CNTN4: variants seen among roughly 807,000 people sequenced by gnomAD.
CNTN4 encodes the protein contactin 4.
CNTN4 carries 77 observed loss-of-function variants against 122.5 expected under a neutral mutation model. The observed-to-expected ratio is 0.63, with a 90% CI of 0.52 to 0.76. The LOEUF (loss-of-function observed/expected upper bound fraction) is 0.76, where lower values mean the gene tolerates loss of function less well. Ranked by LOEUF, CNTN4 falls within the 30% of genes least tolerant of loss-of-function variation. CNTN4 has a pLI of 0.00. For missense variants in CNTN4, 1,256 were observed against 1,259.1 expected (o/e 1.00, Z 0.04); for synonymous variants, 512 against 447.0 (o/e 1.15, Z -1.83).
chr3:2,189,412 G>A (rs889722150), intron 2 of CNTN4, among the ~76,000 whole-genome samples: 1 of 152,128 alleles, frequency 6.6e-6, no homozygotes, highest in African/African-American at 2.4e-5. Context: ...AGATCTCTCT[G>A]GGATGGTACT....
rs112156327 is a variant in CNTN4 at position 2,543,024 on chromosome 3, G to T, written c.-88-28392G>T. On this transcript the variant is annotated intron_variant, in intron 3 of 24. Coordinates refer to ENST00000418658, the MANE Select transcript of CNTN4 (RefSeq NM_175607.3). ...TTAACACAGATTAATTTTATGAAAG[G>T]TCACAGCCAGATTGTATACATGGAC... Among the ~76,000 whole-genome samples, 773 of 152,210 alleles carry T rather than the reference G, an allele frequency of 5.1e-3. 8 individuals carry two copies. Among genetic ancestry groups the T allele is most frequent in the African/African-American group, 0.018 (745 of 41,538 alleles).
intron 2 of CNTN4, among the ~76,000 whole-genome samples, chr3:2,307,859 A>G (rs113049072): frequency 6.6e-4 from 100 of 152,196 alleles, no homozygotes; most frequent in Middle Eastern, 6.8e-3. Flanking sequence ...TTTTGTGTCT[A>G]TCTTCATAAG....
chr3:2,658,089 G>C (rs2083680777), intron 4 of CNTN4, among the ~76,000 whole-genome samples: 1 of 149,818 alleles, frequency 6.7e-6, no homozygotes, highest in African/African-American at 2.5e-5. Flanking sequence ...ATTTAATGCT[G>C]TGCTTATGAG....
chr3:2,464,816 G>T (rs1575689624), intron 3 of CNTN4, among the ~76,000 whole-genome samples: 1 of 152,314 alleles, frequency 6.6e-6, no homozygotes, highest in South Asian at 2.1e-4. Context: ...CAGGACTGAG[G>T]TTATTTTGTG....
At chr3:2,469,194 C>T (rs961543282) in intron 3 of CNTN4, among the ~76,000 whole-genome samples, 2 of 152,110 alleles carry the variant, frequency 1.3e-5, no homozygotes, top group South Asian at 2.1e-4. Context: ...TTGAGAAATA[C>T]GTTTCATTCC....
chr3:2,559,340 T>A (rs1334870087), intron 3 of CNTN4, among the ~76,000 whole-genome samples: 1 of 152,180 alleles, frequency 6.6e-6, no homozygotes, highest in Non-Finnish European at 1.5e-5. Context: ...ATGTCAGTAC[T>A]ATCAGCCCTG....
chr3:2,220,003 A>G (rs1287904568), intron 2 of CNTN4, among the ~76,000 whole-genome samples: 1 of 152,148 alleles, frequency 6.6e-6, no homozygotes, highest in Non-Finnish European at 1.5e-5. Flanking sequence ...CAAATGTTTA[A>G]ATCAATTGAT....
At chr3:2,272,778 G>C (rs116540259) in intron 2 of CNTN4, among the ~76,000 whole-genome samples, 96 of 149,408 alleles carry the variant, frequency 6.4e-4, no homozygotes, top group Admixed American at 1.6e-3. Flanking sequence ...ATTGGAAGGA[G>C]CATTGTAAGG....
At chr3:2,844,414 T>A (rs77532176) in intron 7 of CNTN4, among the ~76,000 whole-genome samples, 43,914 of 152,148 alleles carry the variant, frequency 0.29, 6,374 homozygotes, top group Middle Eastern at 0.33. Flanking sequence ...GTAATATAAG[T>A]CTCAAGGCTT....
intron 2 of CNTN4, among the ~76,000 whole-genome samples, chr3:2,180,217 A>G (rs1193781754): frequency 6.6e-6 from 1 of 152,014 alleles, no homozygotes; most frequent in Non-Finnish European, 1.5e-5. Context: ...TTAAATTAAA[A>G]TGTTTTCTAG....
intron 4 of CNTN4, among the ~76,000 whole-genome samples, chr3:2,590,001 A>C (rs1173050681): frequency 6.6e-6 from 1 of 152,236 alleles, no homozygotes; most frequent in African/African-American, 2.4e-5. Context: ...GAAGGGAAAT[A>C]AGTTCTATAT....
At chr3:2,290,388 A>T (rs1685442) in intron 2 of CNTN4, among the ~76,000 whole-genome samples, 15,334 of 152,202 alleles carry the variant, frequency 0.1, 1,019 homozygotes, top group East Asian at 0.38. Flanking sequence ...TATGGAATTG[A>T]CATTGGAACA....
At chr3:2,353,402 C>CG (rs1310735752) in intron 3 of CNTN4, among the ~76,000 whole-genome samples, 4 of 152,100 alleles carry the variant, frequency 2.6e-5, no homozygotes, top group African/African-American at 9.7e-5. Flanking sequence ...CAGTGGCAAC[C>CG]GGGTCTGGTC....
At chr3:2,228,983 T>C (rs2039387231) in intron 2 of CNTN4, among the ~76,000 whole-genome samples, 1 of 152,178 alleles carries the variant, frequency 6.6e-6, no homozygotes, top group Non-Finnish European at 1.5e-5. Context: ...GGATCTTGTT[T>C]GCTTCTGCTG....
chr3:2,335,073 G>C (rs768402183), intron 2 of CNTN4, among the ~76,000 whole-genome samples: 2 of 152,100 alleles, frequency 1.3e-5, no homozygotes, highest in Non-Finnish European at 2.9e-5. Flanking sequence ...TGGTTCCTTT[G>C]TTGTAAAATT....
At chr3:2,891,945 C>T (rs919394038) in intron 10 of CNTN4, among the ~76,000 whole-genome samples, 1 of 152,114 alleles carries the variant, frequency 6.6e-6, no homozygotes, top group Non-Finnish European at 1.5e-5. Context: ...AGGTGAGAGA[C>T]ATTGTTGGTT....
chr3:2,613,222 A>G (rs1267404647), intron 4 of CNTN4, among the ~76,000 whole-genome samples: 1 of 152,104 alleles, frequency 6.6e-6, no homozygotes, highest in African/African-American at 2.4e-5. Context: ...ATTTCCATGT[A>G]TTTTATTAAT....
intron 2 of CNTN4, among the ~76,000 whole-genome samples, chr3:2,160,862 C>T (rs895994031): frequency 1.2e-4 from 18 of 152,248 alleles, no homozygotes; most frequent in African/African-American, 4.1e-4. Flanking sequence ...GAACACCTTC[C>T]TTCTGTACAC....
intron 2 of CNTN4, among the ~76,000 whole-genome samples, chr3:2,202,600 T>G (rs2038149758): frequency 6.6e-6 from 1 of 152,168 alleles, no homozygotes; most frequent in Non-Finnish European, 1.5e-5. Context: ...CACTGATAAT[T>G]CATTCCCTTC....
Sources: gnomAD v4.1 joint callset for allele counts (sites outside exome capture counted in the v4.1 genomes callset) on GRCh38, gnomAD v4.1.1 for gene constraint, MANE v1.5 for transcripts, NCBI Gene and HGNC (gene_info 2026-07-23, HGNC 2026-07-21) for gene names.